Variants in UTP14C observed in about 807,000 individuals in gnomAD.
UTP14C encodes UTP14C small subunit processome component.
Under a neutral mutation model 14.6 loss-of-function variants are expected in UTP14C, and 10 were observed. The observed-to-expected ratio is 0.68, with a 90% CI of 0.42 to 1.16. The LOEUF is 1.16. Ranked by LOEUF, UTP14C falls within the 50% of genes most tolerant of loss-of-function variation. The pLI, the probability that UTP14C is intolerant of heterozygous loss-of-function variation, is 0.00. For missense variants in UTP14C, 818 were observed against 890.8 expected, an observed-to-expected ratio of 0.92 and a Z score of 1.04; for synonymous variants, 315 against 331.6, an observed-to-expected ratio of 0.95 and a Z score of 0.54.
Position 52,031,262 on chromosome 13 carries a change from C to A in UTP14C, c.*157C>A. 1 of 1,121,648 alleles carries A rather than the reference C, an allele frequency of 8.9e-7. No homozygotes were observed. The highest frequency in any genetic ancestry group is 1.2e-6 in the Non-Finnish European group (1 of 806,348). 69.5% of individuals were successfully genotyped at this position (1,121,648 alleles called of 1,614,324 possible). The stretch of plus-strand genomic sequence containing the variant: ...AAGAAAATGGATGACCATTAATTGA[C>A]TAGCATTTTAGAATTGATCAGACAT... On this transcript the variant is annotated 3_prime_UTR_variant, in exon 2 of 2. Transcript: ENST00000521776.
intron 1 of UTP14C, among the ~76,000 whole-genome samples, chr13:52,025,843 T>C (rs1250004864): frequency 2.6e-5 from 4 of 152,256 alleles, no homozygotes; most frequent in Non-Finnish European, 4.4e-5. Flanking sequence ...ATTTCTCTTA[T>C]ACTCTTTTTA....
intron 1 of UTP14C, 42 bp from the exon 2 acceptor site, chr13:52,028,277 C>G (rs567625950): frequency 1.9e-6 from 3 of 1,613,370 alleles, no homozygotes; most frequent in Admixed American, 1.7e-5. Flanking sequence ...TGAACACACT[C>G]AAAAACTTAA....
At chr13:52,027,321 A>G (rs1367430623) in intron 1 of UTP14C, among the ~76,000 whole-genome samples, 1 of 152,138 alleles carries the variant, frequency 6.6e-6, no homozygotes, top group Non-Finnish European at 1.5e-5. Context: ...GTGGTGCCCT[A>G]GCTTCCTAGC....
chr13:52,026,539 C>T (rs1347314926), intron 1 of UTP14C, among the ~76,000 whole-genome samples: 1 of 152,112 alleles, frequency 6.6e-6, no homozygotes, highest in Non-Finnish European at 1.5e-5. Flanking sequence ...AGCTGAACTT[C>T]GTAGGTGAAC....
chr13:52,029,772 A>G lies in UTP14C; in HGVS notation c.968A>G (p.Gln323Arg), dbSNP rs1291611482. The G allele has an allele frequency of 1.2e-6, 2 of 1,614,252 alleles. No homozygotes were observed. The highest frequency in any genetic ancestry group is 2.2e-5 in the South Asian group (2 of 91,086). ...GACCTGGAGGCTCGCCAAGCTATGCAGGAACAGTTGGCCAAGAACAAAGAA... is the reference window on the plus strand; with the variant it reads ...GACCTGGAGGCTCGCCAAGCTATGCGGGAACAGTTGGCCAAGAACAAAGAA... ...KYDLEARQAMQEQLAKNKELT... is the reference protein window; with the variant it reads ...KYDLEARQAMREQLAKNKELT... Residue 323 changes from glutamine (Q) to arginine (R), a missense_variant, in exon 2 of 2, where the codon CAG (glutamine) becomes CGG (arginine). Gln to Arg is a conservative substitution (Grantham distance 43). Coordinates refer to ENST00000521776, the MANE Select transcript of UTP14C (RefSeq NM_021645.6).
In UTP14C at chr13:52,030,718, A is replaced by G. The variant is rs2140853261; in HGVS notation, c.1914A>G (p.Leu638=). Residue 638 remains leucine (L), a synonymous_variant, in exon 2 of 2, where the codon CTA becomes CTG. Transcript: ENST00000521776. The stretch of plus-strand genomic sequence containing the variant: ...GGGGCGAGTGGGGTGGTGTGGGCCT[A>G]AAGCCCAGTGCCAAGAAAAGACGCC... ...PGWGEWGGVG[L]KPSAKKRRQF... is the part of the protein sequence containing the mutation. The G allele has an allele frequency of 1.2e-6, 2 of 1,614,224 alleles. No homozygotes were observed. The highest frequency in any genetic ancestry group is 1.7e-5 in the Admixed American group (1 of 60,028).
In UTP14C at chr13:52,030,572, C is replaced by G. The variant is rs1365550809; in HGVS notation, c.1768C>G (p.Gln590Glu). ...GCTGGAAGATGAAGAGGAGAGAGACCAAAGGCAGATGATAAAGGAAGCTTT... is the reference window on the plus strand; with the variant it reads ...GCTGGAAGATGAAGAGGAGAGAGACGAAAGGCAGATGATAAAGGAAGCTTT... ...EELEDEEERDQRQMIKEAFAG... is the reference protein window; with the variant it reads ...EELEDEEERDERQMIKEAFAG... The change falls in exon 2 of 2, where the codon CAA (glutamine) becomes GAA (glutamate). Residue 590 changes from glutamine (Q) to glutamate (E), a missense_variant. Physicochemically the swap from Gln to Glu is conservative, Grantham distance 29 (BLOSUM62 2). Coordinates refer to ENST00000521776, the MANE Select transcript of UTP14C (RefSeq NM_021645.6). The G allele has an allele frequency of 1.9e-5, 30 of 1,613,962 alleles. No individual in the cohort carries two copies. The highest frequency in any genetic ancestry group is 2.5e-5 in the Non-Finnish European group (30 of 1,180,038).
In UTP14C at chr13:52,028,607, T is replaced by C; in HGVS notation, c.-198T>C. On this transcript the variant is annotated 5_prime_UTR_variant, in exon 2 of 2. Transcript: ENST00000521776. ...TTTAAGTAATGCCATATCTGTAAAATTAAAGATATTTTATATAAACTGGTT... is the reference window on the plus strand; with the variant it reads ...TTTAAGTAATGCCATATCTGTAAAACTAAAGATATTTTATATAAACTGGTT... The C allele has an allele frequency of 6.2e-7, 1 of 1,608,280 alleles. No homozygotes were observed.
At position 52,030,166 on chromosome 13, in the gene UTP14C, G is replaced by T; in HGVS notation, c.1362G>T (p.Val454=). Residue 454 remains valine, a synonymous_variant, in exon 2 of 2, where the codon GTG becomes GTT. Coordinates refer to ENST00000521776, the MANE Select transcript of UTP14C (RefSeq NM_021645.6). ...CAAAAGATTCTAGCAGCCAGGAGGT[G>T]CTGTCCGAATTGAGGGCACTATCTC... The part of the protein sequence containing the change: ...QETKDSSSQE[V]LSELRALSQK... 9 of 1,614,212 alleles carry T rather than the reference G, an allele frequency of 5.6e-6. No homozygotes were observed. Among genetic ancestry groups the T allele is most frequent in the Non-Finnish European group, 7.6e-6 (9 of 1,180,040 alleles).
rs1449391474 is a variant in UTP14C, at chr13:52,030,614, A to T, written c.1810A>T (p.Ile604Phe). Residue 604 changes from isoleucine to phenylalanine, a missense_variant, in exon 2 of 2, where the codon ATC becomes TTC. Ile to Phe is a conservative substitution (Grantham distance 21). Coordinates refer to ENST00000521776, the MANE Select transcript of UTP14C (RefSeq NM_021645.6). Reference sequence around the variant, plus strand: ...GGAAGCTTTTGCTGGGGATGATGTCATCAGAGATTTCTTGAAAGAGAAGAG... The same window carrying T: ...GGAAGCTTTTGCTGGGGATGATGTCTTCAGAGATTTCTTGAAAGAGAAGAG... ...IKEAFAGDDV[I>F]RDFLKEKREA... 1 of 1,614,216 alleles carries T rather than the reference A, an allele frequency of 6.2e-7. No individual in the cohort carries two copies.
rs1287258271 is a variant in UTP14C, at chr13:52,031,015, C to A, written c.2211C>A (p.Gly737=). 6.2e-7 allele frequency: 1 copy of A among 1,614,202 alleles called. No homozygotes were observed. Among genetic ancestry groups the A allele is most frequent in the East Asian group, 2.2e-5 (1 of 44,880 alleles). The change falls in exon 2 of 2, where the codon GGC becomes GGA. Residue 737 remains glycine (G), a synonymous_variant. Coordinates refer to ENST00000521776, the MANE Select transcript of UTP14C (RefSeq NM_021645.6). ...IIKPIKAEDV[G]YQSSSRSDLP... ...AGCCCATAAAAGCAGAGGATGTGGG[C>A]TACCAGTCTTCCTCAAGGTCAGACC...
chr13:52,024,921 C>A lies in UTP14C; in HGVS notation c.-503C>A, dbSNP rs141089354. On this transcript the variant is annotated 5_prime_UTR_variant, in exon 1 of 2. Transcript: ENST00000521776. ...CAATTGGTCTGCATACCATGTGGAA[C>A]GAGCATTTTGGGATTGGTGAGTTTG... 3.1e-6 allele frequency: 5 copies of A among 1,610,152 alleles called. No homozygotes were observed. The highest frequency in any genetic ancestry group is 4.2e-6 in the Non-Finnish European group (5 of 1,180,008).
rs931216294 is a variant in UTP14C at position 52,033,352 on chromosome 13, T to C, written c.*2247T>C. 1 of 167,136 alleles carries C rather than the reference T, an allele frequency of 6.0e-6. No individual in the cohort carries two copies. Among genetic ancestry groups the C allele is most frequent in the Non-Finnish European group, 1.5e-5 (1 of 68,132 alleles). The allele number at this position is 167,136 out of a possible 1,614,324, so 10.4% of individuals were successfully genotyped here. ...TATAAAGTGTGTGTTACATAGGTTT[T>C]GTGTAATAATTATTTGTAAATATTA... On this transcript the variant is annotated 3_prime_UTR_variant, in exon 2 of 2. Coordinates refer to ENST00000521776, the MANE Select transcript of UTP14C (RefSeq NM_021645.6).
chr13:52,029,516 G>A lies in UTP14C; in HGVS notation c.712G>A (p.Ala238Thr), dbSNP rs1382314037. ...RARALQSYYEAKARKEKKIKS... is the reference protein window; with the variant it reads ...RARALQSYYETKARKEKKIKS... ...TCGGGCTCTGCAGTCCTACTATGAGGCCAAGGCTCGAAAAGAGAAGAAAAT... is the reference window on the plus strand; with the variant it reads ...TCGGGCTCTGCAGTCCTACTATGAGACCAAGGCTCGAAAAGAGAAGAAAAT... Residue 238 changes from alanine (A) to threonine (T), a missense_variant, in exon 2 of 2, where the codon GCC becomes ACC. Ala to Thr is a moderately conservative substitution (Grantham distance 58). Transcript: ENST00000521776. 2 of 1,614,182 alleles carry A rather than the reference G, an allele frequency of 1.2e-6. No individual in the cohort carries two copies. Among genetic ancestry groups the A allele is most frequent in the Admixed American group, 1.7e-5 (1 of 60,030 alleles).
At chr13:52,026,862 A>G (rs935583508) in intron 1 of UTP14C, among the ~76,000 whole-genome samples, 3 of 152,214 alleles carry the variant, frequency 2.0e-5, no homozygotes, top group Non-Finnish European at 2.9e-5. Flanking sequence ...TTGTGCAGGT[A>G]GTTATCAAAG....
intron 1 of UTP14C, 143 bp from the exon 2 acceptor site, chr13:52,028,176 G>A (rs919463972): frequency 4.3e-6 from 4 of 933,822 alleles, no homozygotes; most frequent in Middle Eastern, 2.7e-4. Context: ...TACTGTAGAA[G>A]TTGAATAAGC....
chr13:52,032,791 CTTA>C lies in UTP14C; in HGVS notation c.*1689_*1691del, dbSNP rs1036964589. 1.2e-5 allele frequency: 2 copies of C among 167,048 alleles called. No homozygotes were observed. The highest frequency in any genetic ancestry group is 2.9e-5 in the Non-Finnish European group (2 of 68,108). The allele number at this position is 167,048 out of a possible 1,614,324, so 10.3% of individuals were successfully genotyped here. On this transcript the variant is annotated 3_prime_UTR_variant, in exon 2 of 2. Coordinates refer to ENST00000521776, the MANE Select transcript of UTP14C (RefSeq NM_021645.6). ...ACCCTACAGATTAGCCCAGTTCTCT[CTTA>C]TTTTCAGCTTTACAGACAAGAACAA...
chr13:52,029,898 T>C lies in UTP14C; in HGVS notation c.1094T>C (p.Met365Thr). ...LVPHVANEVQ[M>T]NVDGPNPWMF... ...CCTCATGTAGCGAATGAAGTGCAGA[T>C]GAATGTGGACGGACCGAATCCCTGG... Residue 365 changes from methionine to threonine, a missense_variant, in exon 2 of 2, where the codon ATG becomes ACG. Met to Thr is a moderately conservative substitution (Grantham distance 81). Coordinates refer to ENST00000521776, the MANE Select transcript of UTP14C (RefSeq NM_021645.6). The C allele has an allele frequency of 6.2e-7, 1 of 1,614,166 alleles. No individual in the cohort carries two copies.
At position 52,029,990 on chromosome 13, in the gene UTP14C, G is replaced by C. The variant is rs754431054; in HGVS notation, c.1186G>C (p.Glu396Gln). ...ATQEDPEQVPELAAHEVSASE... is the reference protein window; with the variant it reads ...ATQEDPEQVPQLAAHEVSASE... The stretch of plus-strand genomic sequence containing the variant: ...ACAGGAGGACCCTGAGCAAGTGCCA[G>C]AGCTTGCAGCTCATGAGGTTTCTGC... The change falls in exon 2 of 2, where the codon GAG (glutamate) becomes CAG (glutamine). Residue 396 changes from glutamate to glutamine, a missense_variant. Glu to Gln is a conservative substitution (Grantham distance 29, BLOSUM62 2). Coordinates refer to ENST00000521776, the MANE Select transcript of UTP14C (RefSeq NM_021645.6). 1.5e-5 allele frequency: 25 copies of C among 1,614,248 alleles called. No individual in the cohort carries two copies. In the South Asian group the frequency reaches 2.7e-4, roughly 18 times the overall value.
Sources: allele counts gnomAD v4.1 joint callset (sites outside exome capture counted in the v4.1 genomes callset), GRCh38; gene constraint gnomAD v4.1.1; transcripts MANE v1.5; gene names NCBI Gene and HGNC (gene_info 2026-07-23, HGNC 2026-07-21).